Variants in ADGRB3 observed in about 807,000 individuals in gnomAD.
ADGRB3 encodes brain-specific angiogenesis inhibitor 3.
A neutral mutation model predicts 193.4 loss-of-function variants in ADGRB3; 37 were observed. The ratio of observed to expected loss-of-function variants is 0.19; its 90% CI spans 0.15 to 0.25. ADGRB3 has a LOEUF of 0.25. Among genes scored for constraint, ADGRB3 ranks in the 10% least tolerant of loss-of-function variants. ADGRB3 has a pLI of 1.00. For synonymous variants in ADGRB3, 690 were observed against 644.2 expected, an observed-to-expected ratio of 1.07 and a Z score of -1.08; for missense variants, 1,637 against 1,852.9, an observed-to-expected ratio of 0.88 and a Z score of 2.14.
chr6:69,297,553 G>T (rs1055051250), intron 20 of ADGRB3, among the ~76,000 whole-genome samples: 1 of 151,910 alleles, frequency 6.6e-6, no homozygotes, highest in Admixed American at 6.6e-5. Context: ...TACAGCTGGG[G>T]ATTTCGGTGG....
intron 6 of ADGRB3, 59 bp downstream of exon 6, chr6:68,944,053 T>C (rs1767708465): frequency 2.7e-6 from 4 of 1,500,092 alleles, no homozygotes; most frequent in Admixed American, 1.8e-5. Context: ...TGATTCCTAG[T>C]GTACACAAGA....
chr6:68,962,717 G>T (rs1235775740), intron 8 of ADGRB3, among the ~76,000 whole-genome samples: 1 of 151,992 alleles, frequency 6.6e-6, no homozygotes, highest in Non-Finnish European at 1.5e-5. Context: ...TTTAAATTAA[G>T]AGATTTAAAA....
At chr6:68,837,690 T>G (rs1286401726) in intron 3 of ADGRB3, among the ~76,000 whole-genome samples, 1 of 152,128 alleles carries the variant, frequency 6.6e-6, no homozygotes, top group Non-Finnish European at 1.5e-5. Context: ...CAATAAGAGA[T>G]TATAGTCTTT....
intron 3 of ADGRB3, among the ~76,000 whole-genome samples, chr6:68,738,075 G>A (rs1765906355): frequency 6.6e-6 from 1 of 152,162 alleles, no homozygotes. Context: ...TGAGAGCAAA[G>A]ATCTGAAAGG....
chr6:69,357,165 G>C (rs371358821), intron 28 of ADGRB3, among the ~76,000 whole-genome samples: 1 of 151,870 alleles, frequency 6.6e-6, no homozygotes, highest in Admixed American at 6.6e-5. Context: ...TTAAATTATC[G>C]TGCTCAAATA....
In ADGRB3 at chr6:68,946,480, C is replaced by T. The variant is rs77059138; in HGVS notation, c.1195+2486C>T. On this transcript the variant is annotated intron_variant, in intron 6 of 31. Coordinates refer to ENST00000370598, the MANE Select transcript of ADGRB3 (RefSeq NM_001704.3). ...CACTTCTGAAAACCTCATATAAATACGCTAGCTTCAATGAAAGATGGTAAC... is the reference window on the plus strand; with the variant it reads ...CACTTCTGAAAACCTCATATAAATATGCTAGCTTCAATGAAAGATGGTAAC... Among the ~76,000 whole-genome samples, 915 of 152,178 alleles carry T rather than the reference C, an allele frequency of 6.0e-3. 5 individuals carry two copies. Among genetic ancestry groups the T allele is most frequent in the African/African-American group, 0.011 (448 of 41,546 alleles).
intron 3 of ADGRB3, among the ~76,000 whole-genome samples, chr6:68,640,113 G>A (rs1350031762): frequency 6.6e-6 from 1 of 152,152 alleles, no homozygotes; most frequent in Non-Finnish European, 1.5e-5. Flanking sequence ...AGGTCTTTTG[G>A]TTCTGGAGTC....
At chr6:69,170,537 G>A (rs1381198611) in intron 17 of ADGRB3, among the ~76,000 whole-genome samples, 1 of 152,024 alleles carries the variant, frequency 6.6e-6, no homozygotes, top group Non-Finnish European at 1.5e-5. Context: ...TCTTATCACA[G>A]CCAAGGAATT....
chr6:69,385,463 A>T (rs867342682), intron 31 of ADGRB3, among the ~76,000 whole-genome samples: 1 of 152,046 alleles, frequency 6.6e-6, no homozygotes, highest in East Asian at 1.9e-4. Flanking sequence ...CAGCCCTGCC[A>T]TATTTTTGGG....
At chr6:69,080,829 G>C (rs922836428) in intron 17 of ADGRB3, among the ~76,000 whole-genome samples, 1 of 151,964 alleles carries the variant, frequency 6.6e-6, no homozygotes, top group African/African-American at 2.4e-5. Flanking sequence ...TTTAGTACAT[G>C]TTAACATGTA....
intron 17 of ADGRB3, among the ~76,000 whole-genome samples, chr6:69,184,821 G>T (rs1224320524): frequency 1.3e-5 from 2 of 152,142 alleles, no homozygotes; most frequent in African/African-American, 4.8e-5. Context: ...GGGCAGATTT[G>T]TTAGTGGAAA....
intron 7 of ADGRB3, 58 bp downstream of exon 7, chr6:68,956,246 A>C (rs896436224): frequency 6.7e-7 from 1 of 1,503,044 alleles, no homozygotes; most frequent in African/African-American, 1.4e-5. Context: ...GCACATTATA[A>C]AATGTGTCAG....
chr6:68,636,546 C>G (rs1767962292), intron 1 of ADGRB3, among the ~76,000 whole-genome samples: 1 of 149,646 alleles, frequency 6.7e-6, no homozygotes, highest in Non-Finnish European at 1.5e-5. Flanking sequence ...GAGGGAAACA[C>G]GGCTTTTTGA....
At chr6:69,056,198 G>A (rs181881809) in intron 15 of ADGRB3, among the ~76,000 whole-genome samples, 1 of 152,092 alleles carries the variant, frequency 6.6e-6, no homozygotes, top group East Asian at 1.9e-4. Flanking sequence ...GTTTTGATTT[G>A]CATTTCTCTT....
intron 3 of ADGRB3, among the ~76,000 whole-genome samples, chr6:68,897,661 G>A (rs1051945217): frequency 3.9e-5 from 5 of 128,674 alleles, no homozygotes; most frequent in Non-Finnish European, 7.9e-5. Context: ...AAGGAACGAA[G>A]GAAAGAAAGA....
chr6:69,112,269 C>T (rs1398853974), intron 17 of ADGRB3, among the ~76,000 whole-genome samples: 2 of 152,122 alleles, frequency 1.3e-5, no homozygotes, highest in East Asian at 3.9e-4. Context: ...CACCTGTCAC[C>T]CTTTGCCAGC....
chr6:69,246,883 G>A lies in ADGRB3; in HGVS notation c.2814+7657G>A, dbSNP rs560202292. 1.9e-4 allele frequency among the ~76,000 whole-genome samples: 29 copies of A among 152,256 alleles called. 1 individual carries two copies. In the South Asian group the frequency reaches 4.2e-3, roughly 22 times the overall value. ...GGGAAGAAGCAGAACACGAGTCTCA[G>A]CCTAGTGTGCAGGTGATTGCTTTGA... On this transcript the variant is annotated intron_variant, in intron 20 of 31. Coordinates refer to ENST00000370598, the MANE Select transcript of ADGRB3 (RefSeq NM_001704.3).
In ADGRB3 at chr6:68,757,302, C is replaced by T. The variant is rs180768650; in HGVS notation, c.757+117870C>T. Among the ~76,000 whole-genome samples, 224 of 152,230 alleles carry T rather than the reference C, an allele frequency of 1.5e-3. 1 individual carries two copies. The highest frequency in any genetic ancestry group is 9.4e-4 in the Non-Finnish European group (64 of 68,010). On this transcript the variant is annotated intron_variant, in intron 3 of 31. Transcript: ENST00000370598. ...GCTGTGTTTTGCTCACCAGCTAACA[C>T]CACCCTCAATTTTATATAGATTAGC...
At chr6:69,059,329 T>A (rs185408500) in intron 15 of ADGRB3, among the ~76,000 whole-genome samples, 2 of 152,104 alleles carry the variant, frequency 1.3e-5, no homozygotes, top group Admixed American at 6.6e-5. Flanking sequence ...ATACTTTTAC[T>A]TTCAGTCTAT....
Sources: allele counts gnomAD v4.1 joint callset (sites outside exome capture counted in the v4.1 genomes callset), GRCh38; gene constraint gnomAD v4.1.1; transcripts MANE v1.5; gene names NCBI Gene and HGNC (gene_info 2026-07-23, HGNC 2026-07-21).